Variants in FHOD3 observed in about 807,000 individuals in gnomAD.
FHOD3 encodes FH1/FH2 domain-containing protein 3.
In FHOD3, 90 loss-of-function variants were observed where a neutral mutation model predicts 173.0. The ratio of observed to expected loss-of-function variants is 0.52; its 90% CI spans 0.44 to 0.62. The LOEUF (loss-of-function observed/expected upper bound fraction) is 0.62, where lower values mean the gene tolerates loss of function less well. Among genes scored for constraint, FHOD3 ranks in the 20% least tolerant of loss-of-function variants. The pLI, the probability that FHOD3 is intolerant of heterozygous loss-of-function variation, is 0.00. For synonymous variants in FHOD3, 828 were observed against 823.0 expected (o/e 1.01, Z -0.10); for missense variants, 1,945 against 2,034.7 (o/e 0.96, Z 0.85).
chr18:36,455,721 C>A (rs1265102523), intron 3 of FHOD3, among the ~76,000 whole-genome samples: 1 of 152,058 alleles, frequency 6.6e-6, no homozygotes, highest in Non-Finnish European at 1.5e-5. Flanking sequence ...GGTGAGTTAA[C>A]CGTCATTGGA....
intron 3 of FHOD3, among the ~76,000 whole-genome samples, chr18:36,418,022 A>G (rs9966679): frequency 0.35 from 52,568 of 152,120 alleles, 9,504 homozygotes; most frequent in South Asian, 0.59. Context: ...AATGTCTTAG[A>G]CATATTAATG....
rs145358564 is a variant in FHOD3, at chr18:36,481,157, A to G, written c.338-20775A>G. Reference sequence around the variant, plus strand: ...TCTCTTTCACTGAAGGAGAAAAGCAACAGGACTGAAGGAAGGAGGGGAGCG... The same window carrying G: ...TCTCTTTCACTGAAGGAGAAAAGCAGCAGGACTGAAGGAAGGAGGGGAGCG... On this transcript the variant is annotated intron_variant, in intron 3 of 28. Transcript: ENST00000590592. 7.0e-4 allele frequency among the ~76,000 whole-genome samples: 106 copies of G among 152,146 alleles called. 1 individual carries two copies. The highest frequency in any genetic ancestry group is 4.8e-3 in the Admixed American group (73 of 15,276).
intron 5 of FHOD3, among the ~76,000 whole-genome samples, chr18:36,530,775 A>G (rs1456459992): frequency 1.3e-5 from 2 of 152,190 alleles, no homozygotes; most frequent in African/African-American, 2.4e-5. Flanking sequence ...TTCTCATAAC[A>G]TACTGTGTAT....
intron 3 of FHOD3, among the ~76,000 whole-genome samples, chr18:36,444,400 G>T (rs1455913329): frequency 6.6e-6 from 1 of 151,844 alleles, no homozygotes; most frequent in Non-Finnish European, 1.5e-5. Flanking sequence ...TCATATCCTG[G>T]TTGATTTTAA....
intron 10 of FHOD3, among the ~76,000 whole-genome samples, chr18:36,631,960 C>T (rs369635805): frequency 6.6e-6 from 1 of 152,092 alleles, no homozygotes; most frequent in South Asian, 2.1e-4. Context: ...TATAGATATA[C>T]CATAATACCA....
At position 36,452,611 on chromosome 18, in the gene FHOD3, CCAGCCCCTGG is replaced by C. The variant is rs1331941176; in HGVS notation, c.338-49315_338-49306del. 1.8e-4 allele frequency among the ~76,000 whole-genome samples: 27 copies of C among 152,036 alleles called. No individual in the cohort carries two copies. In the East Asian group the frequency reaches 5.0e-3, roughly 28 times the overall value. On this transcript the variant is annotated intron_variant, in intron 3 of 28. Transcript: ENST00000590592. ...TAGCAACTCCCAGTTTCCCTGCCTT[CCAGCCCCTGG>C]CAGCCACCATTCTGCTCTCTGCTTC...
At position 36,717,967 on chromosome 18, in the gene FHOD3, G is replaced by A; in HGVS notation, c.2669G>A (p.Gly890Glu). 1 of 1,613,954 alleles carries A rather than the reference G, an allele frequency of 6.2e-7. No individual in the cohort carries two copies. The highest frequency in any genetic ancestry group is 8.5e-7 in the Non-Finnish European group (1 of 1,179,938). The change falls in exon 19 of 29, where the codon GGG becomes GAG. Residue 890 changes from glycine to glutamate, a missense_variant. Gly to Glu is a moderately conservative substitution (Grantham distance 98). Coordinates refer to ENST00000590592, the MANE Select transcript of FHOD3 (RefSeq NM_001281740.3). ...CCGGATGATGAGGAGAAGGGGGATG[G>A]GGAGGCTGGGAGGACCCAGCAGGAG... ...KSPDDEEKGD[G>E]EAGRTQQEAE...
At chr18:36,493,644 G>A (rs2054586362) in intron 3 of FHOD3, among the ~76,000 whole-genome samples, 2 of 152,132 alleles carry the variant, frequency 1.3e-5, no homozygotes, top group Non-Finnish European at 2.9e-5. Context: ...AAGAGCAAAT[G>A]GCACACAGCT....
At chr18:36,465,194 G>C (rs1374801882) in intron 3 of FHOD3, among the ~76,000 whole-genome samples, 1 of 152,140 alleles carries the variant, frequency 6.6e-6, no homozygotes, top group African/African-American at 2.4e-5. Flanking sequence ...TGGGCATGGT[G>C]GCGGGCACCT....
intron 3 of FHOD3, among the ~76,000 whole-genome samples, chr18:36,412,244 G>A (rs140178992): frequency 1.6e-3 from 245 of 152,272 alleles, no homozygotes; most frequent in African/African-American, 5.5e-3. Context: ...GAGGGGATCC[G>A]TATGAATGCA....
intron 3 of FHOD3, among the ~76,000 whole-genome samples, chr18:36,484,121 A>G (rs900209896): frequency 6.6e-6 from 1 of 152,218 alleles, no homozygotes; most frequent in African/African-American, 2.4e-5. Flanking sequence ...CAACTATTGT[A>G]TTTCTGCTAG....
intron 5 of FHOD3, among the ~76,000 whole-genome samples, chr18:36,534,771 C>T: frequency 6.6e-6 from 1 of 152,234 alleles, no homozygotes; most frequent in East Asian, 1.9e-4. Flanking sequence ...CAAAGCGCTG[C>T]TGAACCAGGT....
At chr18:36,561,885 T>C (rs1412099840) in intron 5 of FHOD3, among the ~76,000 whole-genome samples, 1 of 152,188 alleles carries the variant, frequency 6.6e-6, no homozygotes, top group Non-Finnish European at 1.5e-5. Flanking sequence ...ATTAAAAATA[T>C]GTTGGGCAGG....
At chr18:36,447,151 AC>A (rs1419764026) in intron 3 of FHOD3, among the ~76,000 whole-genome samples, 1 of 151,984 alleles carries the variant, frequency 6.6e-6, no homozygotes, top group Non-Finnish European at 1.5e-5. Context: ...TCAAACCACA[AC>A]CTCCAGGAAG....
intron 1 of FHOD3, among the ~76,000 whole-genome samples, chr18:36,340,347 G>T (rs985526688): frequency 1.3e-5 from 2 of 152,190 alleles, no homozygotes; most frequent in African/African-American, 4.8e-5. Flanking sequence ...AGCAGGATAC[G>T]CTTGGGACCC....
intron 2 of FHOD3, among the ~76,000 whole-genome samples, chr18:36,368,381 TTAGCA>T (rs1241457016): frequency 6.6e-6 from 1 of 152,148 alleles, no homozygotes; most frequent in Non-Finnish European, 1.5e-5. Context: ...TGTAAGCAGC[TTAGCA>T]TCCTTTTCTG....
intron 3 of FHOD3, among the ~76,000 whole-genome samples, chr18:36,409,332 G>A (rs12606087): frequency 0.23 from 34,289 of 152,126 alleles, 4,400 homozygotes; most frequent in East Asian, 0.67. Flanking sequence ...CTAGGAGTTC[G>A]AGGCAGCGGA....
intron 10 of FHOD3, among the ~76,000 whole-genome samples, chr18:36,632,137 A>T (rs892532801): frequency 5.3e-5 from 8 of 152,144 alleles, no homozygotes; most frequent in African/African-American, 1.9e-4. Flanking sequence ...TTAAATATTG[A>T]TATTGCCATA....
intron 19 of FHOD3, among the ~76,000 whole-genome samples, chr18:36,725,202 G>T (rs530283752): frequency 2.0e-5 from 3 of 152,220 alleles, no homozygotes; most frequent in African/African-American, 4.8e-5. Flanking sequence ...TGCTGAGGAA[G>T]AGGGCAGAGC....
Sources: allele counts gnomAD v4.1 joint callset (sites outside exome capture counted in the v4.1 genomes callset), GRCh38; gene constraint gnomAD v4.1.1; transcripts MANE v1.5; gene names NCBI Gene and HGNC (gene_info 2026-07-23, HGNC 2026-07-21).